KCNJ6: variants seen among roughly 807,000 people sequenced by gnomAD.
KCNJ6 encodes the protein potassium inwardly rectifying channel subfamily J member 6.
In KCNJ6, 9 loss-of-function variants were observed where a neutral mutation model predicts 34.2. The observed-to-expected ratio is 0.26, with a 90% CI of 0.16 to 0.46. The LOEUF (loss-of-function observed/expected upper bound fraction) is 0.46, where lower values mean the gene tolerates loss of function less well. Ranked by LOEUF, KCNJ6 falls within the 20% of genes least tolerant of loss-of-function variation. The pLI is 1.00. For missense variants in KCNJ6, 236 were observed against 531.3 expected, an observed-to-expected ratio of 0.44 and a Z score of 5.46; for synonymous variants, 196 against 207.1, an observed-to-expected ratio of 0.95 and a Z score of 0.46.
At chr21:37,628,389 A>G (rs945171414) in intron 3 of KCNJ6, among the ~76,000 whole-genome samples, 1 of 152,218 alleles carries the variant, frequency 6.6e-6, no homozygotes, top group Non-Finnish European at 1.5e-5. Context: ...AGTAAAAAGT[A>G]TAATAAATGA....
intron 3 of KCNJ6, among the ~76,000 whole-genome samples, chr21:37,686,043 T>A (rs1286058338): frequency 6.6e-6 from 1 of 152,102 alleles, no homozygotes; most frequent in African/African-American, 2.4e-5. Context: ...ACGGCTTCTA[T>A]CCAAGCAGAG....
At chr21:37,856,497 C>G (rs1409542919) in intron 1 of KCNJ6, among the ~76,000 whole-genome samples, 1 of 152,160 alleles carries the variant, frequency 6.6e-6, no homozygotes, top group Non-Finnish European at 1.5e-5. Context: ...CCTTGATGAG[C>G]AAGTCAAGAC....
At chr21:37,847,566 A>G (rs2055515671) in intron 1 of KCNJ6, among the ~76,000 whole-genome samples, 1 of 152,244 alleles carries the variant, frequency 6.6e-6, no homozygotes, top group Admixed American at 6.5e-5. Context: ...CACTGGATAG[A>G]AGAGGACATC....
chr21:37,875,755 C>A (rs1397002921), intron 1 of KCNJ6, among the ~76,000 whole-genome samples: 3 of 152,182 alleles, frequency 2.0e-5, no homozygotes, highest in African/African-American at 7.2e-5. Flanking sequence ...TCAGTGCCCA[C>A]AAACCCGGCC....
chr21:37,641,841 G>T (rs1291658877), intron 3 of KCNJ6, among the ~76,000 whole-genome samples: 1 of 152,180 alleles, frequency 6.6e-6, no homozygotes, highest in Non-Finnish European at 1.5e-5. Flanking sequence ...AGAAATTATA[G>T]TATTGGGACT....
chr21:37,859,461 A>AACTTGATACTCTTT (rs2055581504), intron 1 of KCNJ6, among the ~76,000 whole-genome samples: 1 of 130,080 alleles, frequency 7.7e-6, no homozygotes, highest in African/African-American at 3.0e-5. Flanking sequence ...CATTGTCCAC[A>AACTTGATACTCTTT]ATTTTAACTA....
intron 2 of KCNJ6, among the ~76,000 whole-genome samples, chr21:37,800,622 T>A (rs769731245): frequency 6.6e-6 from 1 of 152,160 alleles, no homozygotes; most frequent in African/African-American, 2.4e-5. Context: ...GAAAGTCGGT[T>A]TTGCAGAGAC....
intron 2 of KCNJ6, among the ~76,000 whole-genome samples, chr21:37,820,998 T>A (rs2055370577): frequency 6.6e-6 from 1 of 152,224 alleles, no homozygotes; most frequent in Admixed American, 6.5e-5. Context: ...TGACAGATAC[T>A]AATCTTCTAT....
intron 2 of KCNJ6, among the ~76,000 whole-genome samples, chr21:37,749,558 T>C (rs540720393): frequency 9.9e-4 from 151 of 152,300 alleles, no homozygotes; most frequent in African/African-American, 3.4e-3. Flanking sequence ...AGTGCCTATG[T>C]TGTGGCTGTC....
intron 2 of KCNJ6, among the ~76,000 whole-genome samples, chr21:37,744,078 C>T (rs372730161): frequency 1.5e-4 from 22 of 147,460 alleles, no homozygotes; most frequent in Admixed American, 9.8e-4. Flanking sequence ...AACCAAACAC[C>T]GCATGTTCTC....
intron 3 of KCNJ6, among the ~76,000 whole-genome samples, chr21:37,696,399 A>T (rs1192327612): frequency 6.6e-6 from 1 of 152,204 alleles, no homozygotes; most frequent in Non-Finnish European, 1.5e-5. Context: ...ACACAGCACC[A>T]CTTTGTATTC....
intron 2 of KCNJ6, among the ~76,000 whole-genome samples, chr21:37,810,170 T>C (rs1166272828): frequency 6.6e-6 from 1 of 152,152 alleles, no homozygotes; most frequent in Non-Finnish European, 1.5e-5. Context: ...TCAAGTAGGA[T>C]CATATTATAC....
intron 2 of KCNJ6, among the ~76,000 whole-genome samples, chr21:37,744,123 G>C (rs2054954745): frequency 7.0e-6 from 1 of 142,390 alleles, no homozygotes; most frequent in South Asian, 2.3e-4. Flanking sequence ...GAGAACACAT[G>C]GACACAGGAA....
At chr21:37,717,943 C>T (rs1370688995) in intron 2 of KCNJ6, among the ~76,000 whole-genome samples, 1 of 152,218 alleles carries the variant, frequency 6.6e-6, no homozygotes, top group African/African-American at 2.4e-5. Flanking sequence ...CCCCCAGCTC[C>T]AGGCAATTGT....
At chr21:37,817,022 T>A (rs2055350019) in intron 2 of KCNJ6, among the ~76,000 whole-genome samples, 1 of 152,204 alleles carries the variant, frequency 6.6e-6, no homozygotes, top group Non-Finnish European at 1.5e-5. Context: ...GAGTTCAAAT[T>A]CCAGTCCCCT....
intron 2 of KCNJ6, among the ~76,000 whole-genome samples, chr21:37,803,697 G>A (rs371999904): frequency 6.6e-6 from 1 of 152,146 alleles, no homozygotes; most frequent in Non-Finnish European, 1.5e-5. Flanking sequence ...CAGGCAAAAC[G>A]ATGAGGAAGT....
chr21:37,640,259 C>A (rs771338597), intron 3 of KCNJ6, among the ~76,000 whole-genome samples: 23 of 152,244 alleles, frequency 1.5e-4, no homozygotes, highest in Non-Finnish European at 2.6e-4. Flanking sequence ...AGGGGCCACA[C>A]TACAGGAGTG....
At chr21:37,889,813 T>C (rs1309943682) in intron 1 of KCNJ6, among the ~76,000 whole-genome samples, 4 of 152,164 alleles carry the variant, frequency 2.6e-5, no homozygotes, top group African/African-American at 9.7e-5. Context: ...GTCTCCTCTT[T>C]TAAGCACACC....
chr21:37,872,245 T>A (rs2055656050), intron 1 of KCNJ6, among the ~76,000 whole-genome samples: 1 of 152,152 alleles, frequency 6.6e-6, no homozygotes, highest in African/African-American at 2.4e-5. Context: ...AGTATATCTA[T>A]CAGGATGGAG....
Sources: allele counts gnomAD v4.1 joint callset (sites outside exome capture counted in the v4.1 genomes callset), GRCh38; gene constraint gnomAD v4.1.1; transcripts MANE v1.5; gene names NCBI Gene and HGNC (gene_info 2026-07-23, HGNC 2026-07-21).